PLPP1: variants seen among roughly 807,000 people sequenced by gnomAD.
PLPP1 encodes phospholipid phosphatase 1.
A neutral mutation model predicts 31.2 loss-of-function variants in PLPP1; 24 were observed. The ratio of observed to expected loss-of-function variants is 0.77; its 90% CI spans 0.56 to 1.08. The LOEUF (loss-of-function observed/expected upper bound fraction) is 1.08. Ranked by LOEUF, PLPP1 falls within the 50% of genes least tolerant of loss-of-function variation. The probability of loss-of-function intolerance (pLI) is 0.00; values close to 1 mark genes in which losing one functional copy is unlikely to be tolerated. For missense variants in PLPP1, 319 were observed against 342.7 expected, an observed-to-expected ratio of 0.93 and a Z score of 0.55; for synonymous variants, 146 against 126.3, an observed-to-expected ratio of 1.16 and a Z score of -1.05.
At chr5:55,477,979 T>TAAA (rs34723510) in intron 1 of PLPP1, among the ~76,000 whole-genome samples, 11 of 140,262 alleles carry the variant, frequency 7.8e-5, no homozygotes, top group Non-Finnish European at 1.4e-4. Context: ...CACTCTGTCT[T>TAAA]AAAAAAAAAA....
intron 1 of PLPP1, among the ~76,000 whole-genome samples, chr5:55,513,461 A>T (rs536155834): frequency 1.3e-5 from 2 of 151,956 alleles, no homozygotes; most frequent in East Asian, 3.9e-4. Flanking sequence ...TAGTAGAGAC[A>T]GGGTTTCACC....
At chr5:55,475,530 T>A (rs1175994020) in intron 1 of PLPP1, 80 bp from the exon 2 acceptor site, 10 of 1,303,126 alleles carry the variant, frequency 7.7e-6, no homozygotes, top group Middle Eastern at 2.2e-4. Context: ...TCCCACAGAC[T>A]CTGTCTAAAA....
At chr5:55,450,161 T>C (rs946768976) in intron 3 of PLPP1, among the ~76,000 whole-genome samples, 4 of 152,178 alleles carry the variant, frequency 2.6e-5, no homozygotes, top group African/African-American at 9.7e-5. Context: ...GAGAGACACA[T>C]ACCCATCTGA....
At chr5:55,494,516 C>T (rs116735946) in intron 1 of PLPP1, among the ~76,000 whole-genome samples, 40 of 152,278 alleles carry the variant, frequency 2.6e-4, no homozygotes, top group Non-Finnish European at 4.9e-4. Flanking sequence ...TCCCTAAATG[C>T]TCAGCCTCAT....
chr5:55,432,573 CAT>C (rs1257114221), intron 4 of PLPP1, among the ~76,000 whole-genome samples: 1 of 152,082 alleles, frequency 6.6e-6, no homozygotes, highest in Non-Finnish European at 1.5e-5. Flanking sequence ...AAGGATGCAA[CAT>C]AAGAAACCCA....
intron 1 of PLPP1, among the ~76,000 whole-genome samples, chr5:55,506,472 G>C (rs1753281791): frequency 6.6e-6 from 1 of 152,094 alleles, no homozygotes. Context: ...TCTTAGGAAA[G>C]GAGCCTAACT....
chr5:55,465,625 G>A (rs1752273734), intron 3 of PLPP1, among the ~76,000 whole-genome samples: 1 of 152,076 alleles, frequency 6.6e-6, no homozygotes, highest in African/African-American at 2.4e-5. Flanking sequence ...AAGCCATCCT[G>A]GGCCACATGT....
intron 4 of PLPP1, among the ~76,000 whole-genome samples, chr5:55,440,194 C>G (rs1482454183): frequency 2.0e-5 from 3 of 152,218 alleles, no homozygotes; most frequent in African/African-American, 2.4e-5. Context: ...CTAACACAGA[C>G]AGGTGAGCGA....
At chr5:55,477,101 T>G (rs956415548) in intron 1 of PLPP1, among the ~76,000 whole-genome samples, 1 of 151,984 alleles carries the variant, frequency 6.6e-6, no homozygotes, top group Non-Finnish European at 1.5e-5. Context: ...GGCCTTCATA[T>G]CCCAATTCAG....
At chr5:55,439,745 C>CA (rs1252029515) in intron 4 of PLPP1, among the ~76,000 whole-genome samples, 3 of 152,180 alleles carry the variant, frequency 2.0e-5, no homozygotes, top group African/African-American at 7.2e-5. Flanking sequence ...ACCAATTACA[C>CA]AGACGTTAAT....
intron 4 of PLPP1, among the ~76,000 whole-genome samples, chr5:55,432,371 A>G (rs1751379731): frequency 6.6e-6 from 1 of 152,150 alleles, no homozygotes; most frequent in Non-Finnish European, 1.5e-5. Flanking sequence ...ACCAATAATG[A>G]GTAATGAGAT....
chr5:55,453,568 C>G (rs17684995), intron 3 of PLPP1, among the ~76,000 whole-genome samples: 6,679 of 152,296 alleles, frequency 0.044, 210 homozygotes, highest in Non-Finnish European at 0.067. Flanking sequence ...CCATTATGGT[C>G]AAAGGCAGTC....
rs139893151 is a variant in PLPP1 at position 55,510,990 on chromosome 5, C to T, written c.58+23582G>A. Among the ~76,000 whole-genome samples the T allele has an allele frequency of 3.4e-3, 520 of 152,244 alleles. 3 individuals carry two copies. The highest frequency in any genetic ancestry group is 0.012 in the African/African-American group (500 of 41,582). Reference sequence around the variant, plus strand: ...TCTTCCCTGCCTACTGCCCTCACAACCCCTGCTCTCTTTCCGAGCCCCCAT... The same window carrying T: ...TCTTCCCTGCCTACTGCCCTCACAATCCCTGCTCTCTTTCCGAGCCCCCAT... On this transcript the variant is annotated intron_variant, in intron 1 of 5. Transcript: ENST00000307259.
At chr5:55,526,054 T>C (rs952650554) in intron 1 of PLPP1, among the ~76,000 whole-genome samples, 2 of 152,030 alleles carry the variant, frequency 1.3e-5, no homozygotes, top group African/African-American at 4.8e-5. Flanking sequence ...GGGAGTTTAG[T>C]GACTTTTGCT....
chr5:55,456,381 C>T (rs954041150), intron 3 of PLPP1, among the ~76,000 whole-genome samples: 150 of 152,260 alleles, frequency 9.9e-4, no homozygotes, highest in Non-Finnish European at 5.9e-4. Flanking sequence ...AGGATATTCT[C>T]ATCCTTACAT....
chr5:55,451,469 CCTTT>C (rs1367981638), intron 3 of PLPP1, among the ~76,000 whole-genome samples: 3 of 152,100 alleles, frequency 2.0e-5, no homozygotes, highest in Admixed American at 2.0e-4. Flanking sequence ...ACCTCCTATT[CCTTT>C]AAGATTAAAA....
At chr5:55,485,861 C>T (rs1482385402) in intron 1 of PLPP1, among the ~76,000 whole-genome samples, 1 of 151,802 alleles carries the variant, frequency 6.6e-6, no homozygotes, top group Non-Finnish European at 1.5e-5. Context: ...TAAAACAGTC[C>T]CCTACAGCTG....
chr5:55,444,891 A>G (rs973932348), intron 3 of PLPP1, among the ~76,000 whole-genome samples: 1 of 151,970 alleles, frequency 6.6e-6, no homozygotes, highest in East Asian at 1.9e-4. Flanking sequence ...CTGGGACTAC[A>G]GGTGCGCACC....
At chr5:55,447,551 T>TA (rs1322079402) in intron 3 of PLPP1, among the ~76,000 whole-genome samples, 11 of 150,292 alleles carry the variant, frequency 7.3e-5, no homozygotes, top group African/African-American at 2.4e-4. Flanking sequence ...AGATAATGAT[T>TA]CTCAGACAGG....
Sources: gnomAD v4.1 joint callset for allele counts (sites outside exome capture counted in the v4.1 genomes callset) on GRCh38, gnomAD v4.1.1 for gene constraint, MANE v1.5 for transcripts, NCBI Gene and HGNC (gene_info 2026-07-23, HGNC 2026-07-21) for gene names.